PTPRD: variants seen among roughly 807,000 people sequenced by gnomAD.
The protein encoded by PTPRD is protein tyrosine phosphatase receptor type D, also known as receptor-type tyrosine-protein phosphatase delta.
In PTPRD, 34 loss-of-function variants were observed where a neutral mutation model predicts 214.5. The ratio of observed to expected loss-of-function variants is 0.16; its 90% CI spans 0.12 to 0.21. The LOEUF (loss-of-function observed/expected upper bound fraction) is 0.21. PTPRD is among the 10% of genes least tolerant of loss of function. The pLI is 1.00. For missense variants in PTPRD, 2,545 were observed against 2,398.7 expected (o/e 1.06, Z -1.27); for synonymous variants, 1,128 against 845.7 (o/e 1.33, Z -5.79).
chr9:9,078,772 G>C (rs564867603), intron 10 of PTPRD, among the ~76,000 whole-genome samples: 1 of 152,198 alleles, frequency 6.6e-6, no homozygotes, highest in African/African-American at 2.4e-5. Flanking sequence ...CTCTGGAGCT[G>C]GGATGGCCCT....
At chr9:9,170,645 G>A (rs2099912710) in intron 10 of PTPRD, among the ~76,000 whole-genome samples, 1 of 152,170 alleles carries the variant, frequency 6.6e-6, no homozygotes, top group African/African-American at 2.4e-5. Flanking sequence ...CAGTTTCACT[G>A]TTTCTCTGCT....
intron 11 of PTPRD, among the ~76,000 whole-genome samples, chr9:8,953,137 T>C (rs2099112430): frequency 6.6e-6 from 1 of 151,916 alleles, no homozygotes; most frequent in African/African-American, 2.4e-5. Context: ...CTATGGGAAC[T>C]CATAACAAGG....
chr9:10,208,321 T>C (rs534765681), intron 3 of PTPRD, among the ~76,000 whole-genome samples: 39 of 152,318 alleles, frequency 2.6e-4, no homozygotes, highest in Non-Finnish European at 3.4e-4. Flanking sequence ...GACGCCATCC[T>C]GGCTAACACG....
intron 11 of PTPRD, among the ~76,000 whole-genome samples, chr9:9,012,638 A>G (rs2099516349): frequency 6.6e-6 from 1 of 152,210 alleles, no homozygotes; most frequent in African/African-American, 2.4e-5. Context: ...ATGTGAGAAC[A>G]AAACAGACTT....
chr9:9,473,722 T>C (rs2094800912), intron 8 of PTPRD, among the ~76,000 whole-genome samples: 1 of 152,110 alleles, frequency 6.6e-6, no homozygotes, highest in Non-Finnish European at 1.5e-5. Flanking sequence ...CATTTGATGA[T>C]TAATGAGATT....
chr9:10,411,969 T>C (rs1204215204), intron 2 of PTPRD, among the ~76,000 whole-genome samples: 3 of 151,840 alleles, frequency 2.0e-5, no homozygotes, highest in Non-Finnish European at 4.4e-5. Flanking sequence ...ATATAACAAA[T>C]ATACTGTACT....
At chr9:10,233,432 TA>T (rs2099618696) in intron 3 of PTPRD, among the ~76,000 whole-genome samples, 1 of 151,964 alleles carries the variant, frequency 6.6e-6, no homozygotes, top group Non-Finnish European at 1.5e-5. Context: ...ATTTTTTTCA[TA>T]AAAAATAATT....
chr9:10,368,948 G>A (rs761145750), intron 2 of PTPRD, among the ~76,000 whole-genome samples: 1 of 152,054 alleles, frequency 6.6e-6, no homozygotes, highest in African/African-American at 2.4e-5. Context: ...ACAGGACAGA[G>A]CTATTTTACC....
intron 7 of PTPRD, among the ~76,000 whole-genome samples, chr9:9,709,442 T>A (rs566262843): frequency 1.3e-5 from 2 of 152,110 alleles, no homozygotes; most frequent in South Asian, 4.1e-4. Context: ...AGGCCAACAC[T>A]CAGGTAGTAA....
intron 34 of PTPRD, among the ~76,000 whole-genome samples, chr9:8,442,933 G>C (rs1351008512): frequency 1.3e-5 from 2 of 151,782 alleles, no homozygotes; most frequent in African/African-American, 4.9e-5. Flanking sequence ...TTCATTCCAG[G>C]AGTTTCTGTC....
intron 43 of PTPRD, among the ~76,000 whole-genome samples, chr9:8,333,903 A>C (rs191744068): frequency 6.6e-6 from 1 of 152,120 alleles, no homozygotes; most frequent in Non-Finnish European, 1.5e-5. Context: ...AAAACTGATG[A>C]CTTTAAACCA....
rs535356581 is a variant in PTPRD at position 8,418,779 on chromosome 9, A to G, written c.4087-14119T>C. ...AGACTTTACAGCAATTATACTGATT[A>G]TCAAAATTACTGAAAATAACCCATT... On this transcript the variant is annotated intron_variant, in intron 35 of 45. Transcript: ENST00000381196. Among the ~76,000 whole-genome samples, 6 of 152,228 alleles carry G rather than the reference A, an allele frequency of 3.9e-5. No individual in the cohort carries two copies. In the South Asian group the frequency reaches 1.2e-3, roughly 32 times the overall value.
chr9:10,434,865 T>A lies in PTPRD; in HGVS notation c.-599-93848A>T, dbSNP rs115721284. 6.6e-3 allele frequency among the ~76,000 whole-genome samples: 1,004 copies of A among 151,956 alleles called. 8 individuals are homozygous for A. Among genetic ancestry groups the A allele is most frequent in the African/African-American group, 0.023 (942 of 41,516 alleles). On this transcript the variant is annotated intron_variant, in intron 2 of 45. Coordinates refer to ENST00000381196, the MANE Select transcript of PTPRD (RefSeq NM_002839.4). Reference sequence around the variant, plus strand: ...CTTATAAATCTGGACTGGTTATGGCTCCCAGTTAACATGATGCTGCCCTTT... The same window carrying A: ...CTTATAAATCTGGACTGGTTATGGCACCCAGTTAACATGATGCTGCCCTTT...
At chr9:9,902,878 G>A (rs1406711471) in intron 5 of PTPRD, among the ~76,000 whole-genome samples, 1 of 152,026 alleles carries the variant, frequency 6.6e-6, no homozygotes, top group African/African-American at 2.4e-5. Context: ...TCAACACACA[G>A]CAACATTTTC....
At chr9:8,383,373 T>C (rs1194552653) in intron 37 of PTPRD, among the ~76,000 whole-genome samples, 2 of 152,174 alleles carry the variant, frequency 1.3e-5, no homozygotes, top group Non-Finnish European at 2.9e-5. Context: ...TTCCCTAAAC[T>C]GTTAACAAAG....
intron 4 of PTPRD, among the ~76,000 whole-genome samples, chr9:9,990,176 G>A (rs904245095): frequency 6.6e-6 from 1 of 152,156 alleles, no homozygotes; most frequent in Non-Finnish European, 1.5e-5. Context: ...GTCATTACGT[G>A]GGACCAGGAC....
chr9:9,808,065 C>T (rs551334895), intron 5 of PTPRD, among the ~76,000 whole-genome samples: 1 of 152,284 alleles, frequency 6.6e-6, no homozygotes, highest in South Asian at 2.1e-4. Flanking sequence ...AACTATCCAG[C>T]TTGAGAATAT....
At chr9:9,894,619 A>G (rs1183306046) in intron 5 of PTPRD, among the ~76,000 whole-genome samples, 2 of 151,884 alleles carry the variant, frequency 1.3e-5, no homozygotes, top group Non-Finnish European at 2.9e-5. Flanking sequence ...TTCCCTCTGT[A>G]CTCCCACATC....
chr9:10,146,911 G>C (rs866765937), intron 3 of PTPRD, among the ~76,000 whole-genome samples: 30 of 152,102 alleles, frequency 2.0e-4, no homozygotes, highest in African/African-American at 7.2e-4. Flanking sequence ...GCTCAATAGG[G>C]ACATGAATGT....
Sources: allele counts gnomAD v4.1 joint callset (sites outside exome capture counted in the v4.1 genomes callset), GRCh38; gene constraint gnomAD v4.1.1; transcripts MANE v1.5; gene names NCBI Gene and HGNC (gene_info 2026-07-23, HGNC 2026-07-21).